Variants in JAZF1 observed in about 807,000 individuals in gnomAD.
JAZF1 encodes the protein juxtaposed with another zinc finger protein 1.
JAZF1 carries 8 observed loss-of-function variants against 26.4 expected under a neutral mutation model. The observed-to-expected ratio is 0.30, with a 90% CI of 0.18 to 0.55. The LOEUF (loss-of-function observed/expected upper bound fraction) is 0.55. Among genes scored for constraint, JAZF1 ranks in the 20% least tolerant of loss-of-function variants. The pLI is 0.94. For synonymous variants in JAZF1, 126 were observed against 122.3 expected (o/e 1.03, Z -0.20); for missense variants, 199 against 322.0 (o/e 0.62, Z 2.92).
intron 3 of JAZF1, among the ~76,000 whole-genome samples, chr7:27,873,421 A>G (rs530404816): frequency 2.6e-5 from 4 of 152,250 alleles, no homozygotes; most frequent in South Asian, 2.1e-4. Context: ...TAAGGTCCTT[A>G]TATCTATGCA....
intron 1 of JAZF1, among the ~76,000 whole-genome samples, chr7:28,080,646 C>A (rs1352091996): frequency 6.6e-6 from 1 of 152,128 alleles, no homozygotes; most frequent in African/African-American, 2.4e-5. Context: ...ACTGCCATGT[C>A]TCCAGGAATA....
intron 1 of JAZF1, among the ~76,000 whole-genome samples, chr7:28,010,459 C>A (rs1782781980): frequency 6.6e-6 from 1 of 152,150 alleles, no homozygotes; most frequent in South Asian, 2.1e-4. Context: ...CTATAAATAG[C>A]CCCCATATTT....
intron 2 of JAZF1, among the ~76,000 whole-genome samples, chr7:27,966,968 T>A (rs1785287246): frequency 6.6e-6 from 1 of 152,208 alleles, no homozygotes; most frequent in Non-Finnish European, 1.5e-5. Context: ...TGGTGCAGAC[T>A]GCACAGGTCT....
chr7:28,154,776 A>ATCAT (rs1783154838), intron 1 of JAZF1, among the ~76,000 whole-genome samples: 1 of 152,068 alleles, frequency 6.6e-6, no homozygotes, highest in Non-Finnish European at 1.5e-5. Flanking sequence ...TTTCTGTAAC[A>ATCAT]TCATTGATTA....
intron 2 of JAZF1, among the ~76,000 whole-genome samples, chr7:27,963,766 C>T (rs1785226711): frequency 1.3e-5 from 2 of 151,914 alleles, no homozygotes; most frequent in African/African-American, 4.8e-5. Flanking sequence ...CAAGGTCTTG[C>T]TACATTGCCC....
intron 1 of JAZF1, among the ~76,000 whole-genome samples, chr7:28,026,477 T>C (rs1226413281): frequency 6.6e-6 from 1 of 152,226 alleles, no homozygotes; most frequent in Non-Finnish European, 1.5e-5. Flanking sequence ...ATTTTGAACC[T>C]GTTCCAGCTG....
chr7:27,997,300 C>G (rs2128366690), intron 1 of JAZF1, among the ~76,000 whole-genome samples: 1 of 152,108 alleles, frequency 6.6e-6, no homozygotes, highest in East Asian at 1.9e-4. Flanking sequence ...AAGACACCAA[C>G]AATAGTGGAG....
At chr7:27,953,940 C>T (rs1785048040) in intron 2 of JAZF1, among the ~76,000 whole-genome samples, 1 of 152,178 alleles carries the variant, frequency 6.6e-6, no homozygotes, top group South Asian at 2.1e-4. Context: ...CTCAGCATGG[C>T]AGATGAAGGC....
intron 2 of JAZF1, among the ~76,000 whole-genome samples, chr7:27,948,390 T>A (rs1258180915): frequency 4.6e-5 from 7 of 152,210 alleles, no homozygotes; most frequent in African/African-American, 1.7e-4. Flanking sequence ...CTGAGGCTCA[T>A]CTAATCAAAC....
rs1289154489 is a variant in JAZF1 at position 27,967,388 on chromosome 7, A to G, written c.188+24521T>C. 2.0e-5 allele frequency among the ~76,000 whole-genome samples: 3 copies of G among 152,230 alleles called. No homozygotes were observed. The East Asian group carries it at 5.8e-4, about 29-fold the overall frequency. On this transcript the variant is annotated intron_variant, in intron 2 of 4. Coordinates refer to ENST00000283928, the MANE Select transcript of JAZF1 (RefSeq NM_175061.4). The stretch of plus-strand genomic sequence containing the variant: ...GGAAGAGAAAACAGAACATAGGGAC[A>G]TCTTACAGCTTTCTGACTGTCCGAT...
chr7:28,036,802 G>A (rs757765600), intron 1 of JAZF1, among the ~76,000 whole-genome samples: 2 of 152,216 alleles, frequency 1.3e-5, no homozygotes, highest in South Asian at 4.1e-4. Context: ...TGTGCTCCTG[G>A]AGAAGGTAGG....
In JAZF1 at chr7:27,982,494, C is replaced by T. The variant is rs541905868; in HGVS notation, c.188+9415G>A. Among the ~76,000 whole-genome samples, 12 of 152,274 alleles carry T rather than the reference C, an allele frequency of 7.9e-5. No individual in the cohort carries two copies. In the South Asian group the frequency reaches 1.5e-3, roughly 18 times the overall value. ...GAGGCCACCACAGCTCAAGGAGGTC[C>T]GCCTGCCTCTGTAGACTCCAACTCT... On this transcript the variant is annotated intron_variant, in intron 2 of 4. Coordinates refer to ENST00000283928, the MANE Select transcript of JAZF1 (RefSeq NM_175061.4).
chr7:28,156,466 G>C (rs1783187469), intron 1 of JAZF1, among the ~76,000 whole-genome samples: 1 of 152,236 alleles, frequency 6.6e-6, no homozygotes, highest in African/African-American at 2.4e-5. Flanking sequence ...TTGATAAGAA[G>C]TTTAGGTAAG....
intron 1 of JAZF1, among the ~76,000 whole-genome samples, chr7:28,131,206 G>A (rs534304846): frequency 2.6e-5 from 4 of 151,874 alleles, no homozygotes; most frequent in Non-Finnish European, 4.4e-5. Context: ...TTGTTCATTC[G>A]TTTCAGTAAG....
intron 2 of JAZF1, among the ~76,000 whole-genome samples, chr7:27,938,901 A>T (rs970328295): frequency 2.6e-5 from 4 of 151,510 alleles, no homozygotes; most frequent in African/African-American, 9.7e-5. Flanking sequence ...TTGGTCTCCC[A>T]AAGTGCTGGA....
intron 1 of JAZF1, among the ~76,000 whole-genome samples, chr7:28,051,648 G>T (rs1402232495): frequency 6.6e-6 from 1 of 151,980 alleles, no homozygotes; most frequent in East Asian, 1.9e-4. Context: ...TATAACCAAG[G>T]CGTCTCCCCA....
At chr7:28,145,133 A>G (rs1462475674) in intron 1 of JAZF1, among the ~76,000 whole-genome samples, 1 of 152,212 alleles carries the variant, frequency 6.6e-6, no homozygotes, top group Non-Finnish European at 1.5e-5. Flanking sequence ...ATTTAGGCTG[A>G]TAGAAAAATT....
chr7:28,027,991 AC>A (rs1783121802), intron 1 of JAZF1, among the ~76,000 whole-genome samples: 1 of 152,154 alleles, frequency 6.6e-6, no homozygotes, highest in Admixed American at 6.5e-5. Flanking sequence ...ACATTCTAAA[AC>A]CCAGATGATC....
intron 1 of JAZF1, among the ~76,000 whole-genome samples, chr7:28,136,840 G>T (rs535849738): frequency 6.6e-6 from 1 of 152,214 alleles, no homozygotes; most frequent in African/African-American, 2.4e-5. Flanking sequence ...TTCCAGGAAG[G>T]CTTCCTGAAG....
Sources: gnomAD v4.1 joint callset for allele counts (sites outside exome capture counted in the v4.1 genomes callset) on GRCh38, gnomAD v4.1.1 for gene constraint, MANE v1.5 for transcripts, NCBI Gene and HGNC (gene_info 2026-07-23, HGNC 2026-07-21) for gene names.